The following ADAMTS14 variants were observed in gnomAD, a reference collection of about 807,000 sequenced individuals.
ADAMTS14 encodes A disintegrin and metalloproteinase with thrombospondin motifs 14.
Under a neutral mutation model 128.6 loss-of-function variants are expected in ADAMTS14, and 100 were observed. The ratio of observed to expected loss-of-function variants is 0.78; its 90% confidence interval spans 0.66 to 0.92. The LOEUF is 0.92. Ranked by LOEUF, ADAMTS14 falls within the 40% of genes least tolerant of loss-of-function variation. ADAMTS14 has a pLI of 0.00. For synonymous variants in ADAMTS14, 665 were observed against 653.8 expected (o/e 1.02, Z -0.26); for missense variants, 1,562 against 1,658.6 (o/e 0.94, Z 1.01).
chr10:70,708,828 C>A (rs117280157), intron 4 of ADAMTS14, 50 bp downstream of exon 4: 4 of 829,446 alleles, frequency 4.8e-6, no homozygotes, highest in Admixed American at 5.7e-5. Flanking sequence ...TGGGGTGGGC[C>A]CCACCCCACC....
At chr10:70,759,632 G>T (rs1396149496) in intron 21 of ADAMTS14, among the ~76,000 whole-genome samples, 1 of 152,214 alleles carries the variant, frequency 6.6e-6, no homozygotes, top group African/African-American at 2.4e-5. Context: ...ACTTTTAAGT[G>T]GTAGAGCCTG....
intron 2 of ADAMTS14, among the ~76,000 whole-genome samples, chr10:70,682,456 A>G (rs920652500): frequency 6.6e-6 from 1 of 152,176 alleles, no homozygotes; most frequent in Non-Finnish European, 1.5e-5. Context: ...TGACCCTGGA[A>G]CCAGCCCGCC....
chr10:70,708,617 C>T lies in ADAMTS14; in HGVS notation c.709C>T (p.Leu237=), dbSNP rs1840737020. 6.2e-7 allele frequency: 1 copy of T among 1,609,780 alleles called. No homozygotes were observed. The highest frequency in any genetic ancestry group is 1.3e-5 in the African/African-American group (1 of 74,848). Residue 237 remains leucine, a synonymous_variant, in exon 4 of 22, where the codon CTG becomes TTG. Transcript: ENST00000373207. ...AFGLGDLPNL[L]GLVGDQLGDT... ...TGGCCTGGGAGACCTTCCCAACCTG[C>T]TGGGCCTGGTGGGGGACCAGCTGGG...
In ADAMTS14 at chr10:70,752,129, ACGAGAC is replaced by A; in HGVS notation, c.2633_2638del (p.Arg878_Asp879del). The A allele has an allele frequency of 5.6e-6, 9 of 1,613,238 alleles. No individual in the cohort carries two copies. Among genetic ancestry groups the A allele is most frequent in the Non-Finnish European group, 7.6e-6 (9 of 1,179,944 alleles). ...TCACCAAATACGGCTGCCGGCGCAG[ACGAGAC>A]CACCACATGGTGCAGCGACACCTGT... On this transcript the variant is annotated inframe_deletion, in exon 18 of 22. Transcript: ENST00000373207.
At chr10:70,755,635 A>G (rs1842463013) in intron 19 of ADAMTS14, among the ~76,000 whole-genome samples, 2 of 152,232 alleles carry the variant, frequency 1.3e-5, no homozygotes, top group South Asian at 4.1e-4. Flanking sequence ...GCCTGGGGTC[A>G]CGAGTTCAAG....
intron 1 of ADAMTS14, among the ~76,000 whole-genome samples, 184 bp from the exon 2 acceptor site, chr10:70,674,372 C>A (rs1212841026): frequency 5.3e-5 from 8 of 152,186 alleles, no homozygotes; most frequent in Non-Finnish European, 1.0e-4. Flanking sequence ...GAACACCCTT[C>A]ATCCAAGTGT....
intron 4 of ADAMTS14, among the ~76,000 whole-genome samples, chr10:70,723,830 C>T (rs1011103078): frequency 6.6e-6 from 1 of 152,180 alleles, no homozygotes; most frequent in African/African-American, 2.4e-5. Flanking sequence ...AGAAAGCCCA[C>T]CCCAGCCACC....
intron 2 of ADAMTS14, among the ~76,000 whole-genome samples, chr10:70,682,265 G>A (rs1839834294): frequency 6.6e-6 from 1 of 152,238 alleles, no homozygotes; most frequent in Non-Finnish European, 1.5e-5. Context: ...GCAAAAGGGA[G>A]AGGACTTGCC....
At chr10:70,701,357 G>T (rs1257957409) in intron 2 of ADAMTS14, among the ~76,000 whole-genome samples, 1 of 152,228 alleles carries the variant, frequency 6.6e-6, no homozygotes, top group African/African-American at 2.4e-5. Flanking sequence ...GTATGTAGTA[G>T]GCACTCAATA....
intron 7 of ADAMTS14, 92 bp from the exon 8 acceptor site, chr10:70,733,792 TC>T (rs1442464703): frequency 1.5e-5 from 23 of 1,500,562 alleles, no homozygotes; most frequent in Non-Finnish European, 2.1e-5. Flanking sequence ...CCGGGTCAGG[TC>T]AGGGTCTCCT....
chr10:70,726,536 G>A (rs1318857855), intron 4 of ADAMTS14, among the ~76,000 whole-genome samples: 3 of 152,210 alleles, frequency 2.0e-5, no homozygotes, highest in Admixed American at 2.0e-4. Context: ...ATGTGGCTGT[G>A]CAGAGCGTGC....
chr10:70,737,680 TG>T (rs1377844754), intron 10 of ADAMTS14, among the ~76,000 whole-genome samples: 1 of 152,186 alleles, frequency 6.6e-6, no homozygotes, highest in African/African-American at 2.4e-5. Flanking sequence ...AGGTCCTTGA[TG>T]GGTTATAGCT....
At chr10:70,709,253 G>A (rs375430448) in intron 4 of ADAMTS14, among the ~76,000 whole-genome samples, 5 of 152,264 alleles carry the variant, frequency 3.3e-5, no homozygotes, top group Non-Finnish European at 1.5e-5. Flanking sequence ...AGACCCTGAC[G>A]TTGGCCCTGG....
intron 17 of ADAMTS14, 65 bp downstream of exon 17, chr10:70,751,711 T>A: frequency 6.4e-7 from 1 of 1,563,940 alleles, no homozygotes; most frequent in Admixed American, 1.7e-5. Context: ...GAGGCAGGGG[T>A]GGGGGACTGA....
Position 70,744,453 on chromosome 10 carries a change from G to A in ADAMTS14, c.2182+264G>A, listed in dbSNP as rs1273902085. 2.6e-5 allele frequency among the ~76,000 whole-genome samples: 4 copies of A among 152,342 alleles called. No homozygotes were observed. The East Asian group carries it at 7.7e-4, about 29-fold the overall frequency. ...TCCCGCTAGGTAAAGTTTTGTGATG[G>A]GAGCTCGGCCATCCCTTGGACCTTG... On this transcript the variant is annotated intron_variant, in intron 14 of 21. Transcript: ENST00000373207.
chr10:70,738,593 A>G (rs1841899208), intron 10 of ADAMTS14, among the ~76,000 whole-genome samples: 1 of 152,150 alleles, frequency 6.6e-6, no homozygotes, highest in East Asian at 1.9e-4. Context: ...AAGATCTGCC[A>G]TTTCTGGAGG....
At chr10:70,754,835 C>T (rs1382831128) in intron 19 of ADAMTS14, among the ~76,000 whole-genome samples, 2 of 152,136 alleles carry the variant, frequency 1.3e-5, no homozygotes, top group African/African-American at 2.4e-5. Flanking sequence ...GTCAGGGTAG[C>T]GAAGGGGAGA....
chr10:70,689,536 G>A (rs571039054), intron 2 of ADAMTS14, among the ~76,000 whole-genome samples: 15 of 145,476 alleles, frequency 1.0e-4, no homozygotes, highest in Middle Eastern at 3.6e-3. Flanking sequence ...GGTACAGAAC[G>A]GGTCCTGTGT....
At position 70,760,816 on chromosome 10, in the gene ADAMTS14, C is replaced by T. The variant is rs1247267270; in HGVS notation, c.3635C>T (p.Pro1212Leu). The T allele has an allele frequency of 6.3e-7, 1 of 1,588,374 alleles. No homozygotes were observed. The highest frequency in any genetic ancestry group is 8.6e-7 in the Non-Finnish European group (1 of 1,164,876). ...CAACCTGGAGAAGACCTGAGACATC[C>T]CGGCACCAGCCTCCCTGCTGCCTCC... ...KGQPGEDLRH[P>L]GTSLPAASPV... The change falls in exon 22 of 22, where the codon CCC becomes CTC. Residue 1212 changes from proline to leucine, a missense_variant. Coordinates refer to ENST00000373207, the MANE Select transcript of ADAMTS14 (RefSeq NM_080722.4).
Sources: allele counts gnomAD v4.1 joint callset (sites outside exome capture counted in the v4.1 genomes callset), GRCh38; gene constraint gnomAD v4.1.1; transcripts MANE v1.5; gene names NCBI Gene and HGNC (gene_info 2026-07-23, HGNC 2026-07-21).